TRPS1: variants seen among roughly 807,000 people sequenced by gnomAD.
The protein encoded by TRPS1 is zinc finger transcription factor Trps1.
In TRPS1, 6 loss-of-function variants were observed where a neutral mutation model predicts 101.2. The ratio of observed to expected loss-of-function variants is 0.06; its 90% CI spans 0.03 to 0.12. TRPS1 has a LOEUF of 0.12. Ranked by LOEUF, TRPS1 falls within the 10% of genes least tolerant of loss-of-function variation. TRPS1 has a pLI of 1.00. For synonymous variants in TRPS1, 578 were observed against 589.8 expected (o/e 0.98, Z 0.29); for missense variants, 1,363 against 1,567.0 (o/e 0.87, Z 2.20).
At chr8:115,645,654 G>C (rs2737243) in intron 1 of TRPS1, among the ~76,000 whole-genome samples, 76,477 of 151,950 alleles carry the variant, frequency 0.5, 22,748 homozygotes, top group African/African-American at 0.83. Flanking sequence ...AAATCCCTGG[G>C]TATCAAAAAG....
At chr8:115,661,417 T>C (rs1811792384) in intron 1 of TRPS1, among the ~76,000 whole-genome samples, 1 of 152,028 alleles carries the variant, frequency 6.6e-6, no homozygotes. Flanking sequence ...ACACCTATAA[T>C]AGCATGCACA....
chr8:115,592,581 T>C lies in TRPS1; in HGVS notation c.2097-4977A>G, dbSNP rs550269678. Among the ~76,000 whole-genome samples the C allele has an allele frequency of 3.3e-5, 5 of 152,294 alleles. 1 individual carries two copies. The highest frequency in any genetic ancestry group is 1.2e-4 in the African/African-American group (5 of 41,570). On this transcript the variant is annotated intron_variant, in intron 4 of 6. Transcript: ENST00000395715. Reference sequence around the variant, plus strand: ...GTGCTCTTGAGACTTGAACAACTCCTTTCTCCTTATATTATCAGTTCTAAC... The same window carrying C: ...GTGCTCTTGAGACTTGAACAACTCCCTTCTCCTTATATTATCAGTTCTAAC...
At chr8:115,518,614 T>A (rs1815780089) in intron 5 of TRPS1, among the ~76,000 whole-genome samples, 1 of 151,848 alleles carries the variant, frequency 6.6e-6, no homozygotes, top group South Asian at 2.1e-4. Context: ...AGCTTCCAAA[T>A]TTGACAAGCT....
At chr8:115,446,006 C>T (rs1460375487) in intron 5 of TRPS1, among the ~76,000 whole-genome samples, 2 of 151,834 alleles carry the variant, frequency 1.3e-5, no homozygotes, top group East Asian at 1.9e-4. Flanking sequence ...TTTTTTCCCC[C>T]TTTCGAACAC....
At chr8:115,630,023 C>T (rs1818603974) in intron 1 of TRPS1, among the ~76,000 whole-genome samples, 1 of 151,672 alleles carries the variant, frequency 6.6e-6, no homozygotes, top group South Asian at 2.1e-4. Flanking sequence ...AAGATTAAAA[C>T]AAAAGATCAG....
chr8:115,515,591 T>A (rs76795097), intron 5 of TRPS1, among the ~76,000 whole-genome samples: 1 of 198 alleles, frequency 5.1e-3, no homozygotes, highest in African/African-American at 0.017. Context: ...CATTAAAAAA[T>A]TTTTGGTAAT....
At chr8:115,516,124 A>AC (rs5894267) in intron 5 of TRPS1, among the ~76,000 whole-genome samples, 151,382 of 151,382 alleles carry the variant, frequency 1, 75,691 homozygotes, top group Non-Finnish European at 1. Context: ...GGCAATGAAT[A>AC]CTCTTATTAC....
At chr8:115,484,062 T>C (rs1289755372) in intron 5 of TRPS1, among the ~76,000 whole-genome samples, 1 of 152,180 alleles carries the variant, frequency 6.6e-6, no homozygotes, top group African/African-American at 2.4e-5. Context: ...AATATAACAA[T>C]CTTCTTCTTG....
intron 5 of TRPS1, among the ~76,000 whole-genome samples, chr8:115,451,254 T>C (rs1813863734): frequency 6.6e-6 from 1 of 152,200 alleles, no homozygotes; most frequent in Admixed American, 6.5e-5. Context: ...AAAATCCAAA[T>C]GTGGCTATAT....
chr8:115,483,884 T>C (rs1427794357), intron 5 of TRPS1, among the ~76,000 whole-genome samples: 1 of 152,094 alleles, frequency 6.6e-6, no homozygotes, highest in Non-Finnish European at 1.5e-5. Context: ...GAAAAGCATA[T>C]AAAAGATACA....
intron 5 of TRPS1, among the ~76,000 whole-genome samples, chr8:115,539,976 A>G (rs1816413101): frequency 6.6e-6 from 1 of 152,334 alleles, no homozygotes; most frequent in South Asian, 2.1e-4. Context: ...AAGTCTTTGC[A>G]GATTGTTTTT....
chr8:115,631,024 C>T (rs1818629790), intron 1 of TRPS1, among the ~76,000 whole-genome samples: 1 of 152,052 alleles, frequency 6.6e-6, no homozygotes, highest in South Asian at 2.1e-4. Context: ...ACAATCTTCC[C>T]AATATTCTCA....
chr8:115,419,900 T>G (rs1356477046), intron 5 of TRPS1, among the ~76,000 whole-genome samples: 1 of 152,128 alleles, frequency 6.6e-6, no homozygotes, highest in African/African-American at 2.4e-5. Context: ...CATCCTCCAT[T>G]AATCATCAAT....
At position 115,495,989 on chromosome 8, in the gene TRPS1, C is replaced by T. The variant is rs374617812; in HGVS notation, c.2701-77537G>A. 2.4e-4 allele frequency among the ~76,000 whole-genome samples: 36 copies of T among 152,142 alleles called. 1 individual carries two copies. The highest frequency in any genetic ancestry group is 7.2e-4 in the African/African-American group (30 of 41,520). ...TTCCAATTGTCACTTTATATTAAAG[C>T]GAATGATTTGAGTCCTCGTTCTACC... On this transcript the variant is annotated intron_variant, in intron 5 of 6. Transcript: ENST00000395715.
intron 5 of TRPS1, among the ~76,000 whole-genome samples, chr8:115,434,874 A>G (rs1813410755): frequency 1.3e-5 from 2 of 152,228 alleles, no homozygotes; most frequent in South Asian, 4.1e-4. Context: ...TCAATAAGGA[A>G]GAGTTTTATC....
At chr8:115,439,845 ACT>A (rs1813547151) in intron 5 of TRPS1, among the ~76,000 whole-genome samples, 1 of 152,114 alleles carries the variant, frequency 6.6e-6, no homozygotes, top group Admixed American at 6.5e-5. Context: ...ACAGTGTCTC[ACT>A]CTCTGATTAG....
intron 5 of TRPS1, among the ~76,000 whole-genome samples, chr8:115,525,020 A>G (rs927795353): frequency 9.1e-5 from 11 of 120,342 alleles, no homozygotes; most frequent in African/African-American, 3.2e-4. Context: ...TTGTCAGTAC[A>G]TAGAAGTACA....
chr8:115,411,992 C>T lies in TRPS1; in HGVS notation c.*2031G>A, dbSNP rs947093575. On this transcript the variant is annotated 3_prime_UTR_variant, in exon 7 of 7. Coordinates refer to ENST00000395715, the MANE Select transcript of TRPS1 (RefSeq NM_014112.5). ...ACAAAACAATGATACAAAGCAACTG[C>T]GAATTAATGTAAAAATGGAGTGCAA... 2.7e-5 allele frequency: 4 copies of T among 150,802 alleles called. No individual in the cohort carries two copies. Among genetic ancestry groups the T allele is most frequent in the South Asian group, 2.1e-4 (1 of 4,760 alleles). The allele number at this position is 150,802 out of a possible 1,614,324, so 9.3% of individuals were successfully genotyped here. A position where few individuals can be genotyped will look rare whatever the true frequency, so the allele number is the denominator to read the frequency against.
intron 5 of TRPS1, among the ~76,000 whole-genome samples, chr8:115,535,386 C>A (rs373395938): frequency 7.1e-6 from 1 of 140,966 alleles, no homozygotes; most frequent in African/African-American, 2.6e-5. Context: ...ATATATAGCA[C>A]ATATATAGCG....
Sources: gnomAD v4.1 joint callset for allele counts (sites outside exome capture counted in the v4.1 genomes callset) on GRCh38, gnomAD v4.1.1 for gene constraint, MANE v1.5 for transcripts, NCBI Gene and HGNC (gene_info 2026-07-23, HGNC 2026-07-21) for gene names.